The following MAP1B variants were observed in gnomAD, a reference collection of about 807,000 sequenced individuals.
The protein encoded by MAP1B is microtubule-associated protein 1B.
A neutral mutation model predicts 176.1 loss-of-function variants in MAP1B; 12 were observed. The observed-to-expected ratio is 0.07, with a 90% CI of 0.04 to 0.11. MAP1B has a LOEUF of 0.11. Ranked by LOEUF, MAP1B falls within the 10% of genes least tolerant of loss-of-function variation. MAP1B has a pLI of 1.00. For synonymous variants in MAP1B, 1,044 were observed against 1,135.0 expected, an observed-to-expected ratio of 0.92 and a Z score of 1.61; for missense variants, 2,523 against 2,990.5, an observed-to-expected ratio of 0.84 and a Z score of 3.65.
chr5:72,111,866 A>G (rs544396632), intron 1 of MAP1B, among the ~76,000 whole-genome samples: 42 of 152,182 alleles, frequency 2.8e-4, no homozygotes, highest in Non-Finnish European at 4.0e-4. Context: ...TAAATTATTT[A>G]TTATCAATGC....
In MAP1B at chr5:72,197,939, C is replaced by A. The variant is rs773550738; in HGVS notation, c.4584C>A (p.Asp1528Glu). 1 of 1,614,214 alleles carries A rather than the reference C, an allele frequency of 6.2e-7. No individual in the cohort carries two copies. Among genetic ancestry groups the A allele is most frequent in the Non-Finnish European group, 8.5e-7 (1 of 1,180,040 alleles). ...KMSISEGTVS[D>E]KSATPVDEGV... ...CCATTTCTGAAGGTACTGTCTCAGA[C>A]AAGTCAGCTACTCCTGTTGATGAGG... Residue 1528 changes from aspartate to glutamate, a missense_variant, in exon 5 of 7, where the codon GAC becomes GAA. Physicochemically the swap from Asp to Glu is conservative, Grantham distance 45 (BLOSUM62 2). Around this residue, in one of 4 missense-constraint regions of MAP1B, gnomAD observed 1,925 missense variants for 2,126.0 expected, o/e 0.91. Coordinates refer to ENST00000296755, the MANE Select transcript of MAP1B (RefSeq NM_005909.5).
intron 1 of MAP1B, among the ~76,000 whole-genome samples, chr5:72,110,313 C>T (rs1384992479): frequency 6.6e-6 from 1 of 152,130 alleles, no homozygotes; most frequent in African/African-American, 2.4e-5. Flanking sequence ...TGTATTGATC[C>T]CATTAAGAAT....
chr5:72,147,550 A>G (rs1746068752), intron 2 of MAP1B, among the ~76,000 whole-genome samples: 1 of 152,146 alleles, frequency 6.6e-6, no homozygotes, highest in Non-Finnish European at 1.5e-5. Context: ...AAGAAAGGCA[A>G]GCCCCTGGCA....
Position 72,143,378 on chromosome 5 carries a change from C to T in MAP1B, c.286+27579C>T, listed in dbSNP as rs552077300. On this transcript the variant is annotated intron_variant, in intron 2 of 6. Transcript: ENST00000296755. ...TTTAAGTACCCTCAACAGAATCCAG[C>T]CTTTTAAAAACCAATTCAAGGTCAT... Among the ~76,000 whole-genome samples the T allele has an allele frequency of 2.0e-5, 3 of 152,282 alleles. No homozygotes were observed. In the East Asian group the frequency reaches 5.8e-4, roughly 29 times the overall value.
At chr5:72,201,088 T>G (rs993615968) in intron 5 of MAP1B, among the ~76,000 whole-genome samples, 1 of 152,094 alleles carries the variant, frequency 6.6e-6, no homozygotes, top group African/African-American at 2.4e-5. Flanking sequence ...GGAAGCTAGA[T>G]GCATGGCCTC....
At chr5:72,159,849 T>G (rs1258815819) in intron 2 of MAP1B, among the ~76,000 whole-genome samples, 2 of 152,172 alleles carry the variant, frequency 1.3e-5, no homozygotes, top group Non-Finnish European at 2.9e-5. Context: ...TAGTGTGAGA[T>G]CCAGGCCTTA....
intron 2 of MAP1B, among the ~76,000 whole-genome samples, chr5:72,167,741 A>G (rs1431683786): frequency 6.6e-6 from 1 of 152,258 alleles, no homozygotes; most frequent in African/African-American, 2.4e-5. Flanking sequence ...AGTCAAAAGA[A>G]GTATTGATAA....
rs11330287 is a variant in MAP1B, at chr5:72,155,766, C to CTTTTTTT, written c.287-27965_287-27959dup. Reference sequence around the variant, plus strand: ...GTAATTGATTGATTGATTTTCTTTTCTTTTTTTTTTTTTTTTTTGAGACGG... The same window carrying CTTTTTTT: ...GTAATTGATTGATTGATTTTCTTTTCTTTTTTTTTTTTTTTTTTTTTTTTTGAGACGG... On this transcript the variant is annotated intron_variant, in intron 2 of 6. Transcript: ENST00000296755. Among the ~76,000 whole-genome samples, 276 of 126,500 alleles carry CTTTTTTT rather than the reference C, an allele frequency of 2.2e-3. 1 individual carries two copies. Among genetic ancestry groups the CTTTTTTT allele is most frequent in the East Asian group, 4.1e-3 (18 of 4,364 alleles). The allele number at this position is 126,500 out of a possible 152,430, so 83.0% of individuals were successfully genotyped here. A position where few individuals can be genotyped will look rare whatever the true frequency, so the allele number is the denominator to read the frequency against.
chr5:72,107,623 G>A lies in MAP1B; in HGVS notation c.92G>A (p.Arg31His). 4 of 1,599,912 alleles carry A rather than the reference G, an allele frequency of 2.5e-6. No individual in the cohort carries two copies. The highest frequency in any genetic ancestry group is 3.4e-6 in the Non-Finnish European group (4 of 1,179,376). ...AASTSPSLSH[R>H]FLDSKFYLLV... ...TCCACCTCGCCTAGCCTGTCGCACC[G>A]CTTCCTTGACAGCAAGTTCTACTTG... The change falls in exon 1 of 7, where the codon CGC becomes CAC. Residue 31 changes from arginine to histidine, a missense_variant. By Grantham distance (29) the Arg-to-His change is conservative. Around this residue, in one of 4 missense-constraint regions of MAP1B, gnomAD observed 307 missense variants for 438.4 expected, o/e 0.70. Transcript: ENST00000296755.
Position 72,181,482 on chromosome 5 carries a change from G to C in MAP1B, c.287-2261G>C, listed in dbSNP as rs577519022. ...GTCGCGATAAAATATAACATTTGCCGTTTTAACTATTTTTAAATGTACAAC... is the reference window on the plus strand; with the variant it reads ...GTCGCGATAAAATATAACATTTGCCCTTTTAACTATTTTTAAATGTACAAC... On this transcript the variant is annotated intron_variant, in intron 2 of 6. Coordinates refer to ENST00000296755, the MANE Select transcript of MAP1B (RefSeq NM_005909.5). 7.7e-4 allele frequency among the ~76,000 whole-genome samples: 117 copies of C among 152,170 alleles called. No homozygotes were observed. The South Asian group carries it at 0.011, about 14-fold the overall frequency.
chr5:72,194,432 C>A lies in MAP1B; in HGVS notation c.1077C>A (p.Leu359=), dbSNP rs747089454. 3.9e-5 allele frequency: 63 copies of A among 1,613,916 alleles called. No homozygotes were observed. The South Asian group carries it at 6.4e-4, about 16-fold the overall frequency. Residue 359 remains leucine, a synonymous_variant, in exon 5 of 7, where the codon CTC becomes CTA. Transcript: ENST00000296755. The surrounding 1 kb of genome is among the most constrained non-coding windows in gnomAD (Gnocchi z 7.2). ...LISPDLGVVF[L]NVPENLKNPE... ...CCCCTGACTTAGGAGTTGTATTTCT[C>A]AATGTACCTGAAAATCTCAAAAATC...
chr5:72,116,426 G>A, intron 2 of MAP1B: 1 of 418,248 alleles, frequency 2.4e-6, no homozygotes, highest in Non-Finnish European at 4.6e-6. Flanking sequence ...TTTCAGAGAT[G>A]AAAAAGAATA....
In MAP1B at chr5:72,199,271, C is replaced by T. The variant is rs1398838021; in HGVS notation, c.5916C>T (p.Tyr1972=). ...CCAGCCCCCCCGAAGTGAGTGGTTA[C>T]AGCTATGAAAAGACTGAGAGGTCTA... ...KTTSPPEVSG[Y]SYEKTERSRR... Residue 1972 remains tyrosine (Y), a synonymous_variant, in exon 5 of 7, where the codon TAC becomes TAT. Coordinates refer to ENST00000296755, the MANE Select transcript of MAP1B (RefSeq NM_005909.5). The surrounding 1 kb of genome is among the most constrained non-coding windows in gnomAD (Gnocchi z 4.2). 2 of 1,614,022 alleles carry T rather than the reference C, an allele frequency of 1.2e-6. No homozygotes were observed. Among genetic ancestry groups the T allele is most frequent in the African/African-American group, 2.7e-5 (2 of 74,912 alleles).
At chr5:72,193,347 T>C in intron 4 of MAP1B, 2 of 348,254 alleles carry the variant, frequency 5.7e-6, no homozygotes, top group South Asian at 2.3e-5. Flanking sequence ...CAGGCCTTTT[T>C]TTTTTTTTTT....
chr5:72,192,327 A>C (rs1747042128), intron 4 of MAP1B, among the ~76,000 whole-genome samples: 1 of 152,252 alleles, frequency 6.6e-6, no homozygotes, highest in South Asian at 2.1e-4. Flanking sequence ...AGATGGTATT[A>C]CCATTTGCTT....
At chr5:72,156,895 A>C (rs1033356079) in intron 2 of MAP1B, among the ~76,000 whole-genome samples, 1 of 152,166 alleles carries the variant, frequency 6.6e-6, no homozygotes, top group African/African-American at 2.4e-5. Flanking sequence ...CCCATTCCCC[A>C]CTGCCCTTTT....
intron 3 of MAP1B, among the ~76,000 whole-genome samples, chr5:72,184,282 G>C (rs978162672): frequency 6.6e-6 from 1 of 152,184 alleles, no homozygotes; most frequent in Admixed American, 6.5e-5. Flanking sequence ...GGAAAGGCAG[G>C]CTAGCATAGT....
chr5:72,108,561 G>T (rs1211234962), intron 1 of MAP1B, among the ~76,000 whole-genome samples: 1 of 152,206 alleles, frequency 6.6e-6, no homozygotes, highest in African/African-American at 2.4e-5. Context: ...GCCGAATAGC[G>T]GTACGCCGGG....
At chr5:72,128,078 A>C (rs1745660580) in intron 2 of MAP1B, among the ~76,000 whole-genome samples, 1 of 152,196 alleles carries the variant, frequency 6.6e-6, no homozygotes, top group Admixed American at 6.5e-5. Context: ...TTCAAGAGAC[A>C]TGCATTCAGG....
Sources: gnomAD v4.1 joint callset for allele counts (sites outside exome capture counted in the v4.1 genomes callset) on GRCh38, gnomAD v4.1.1 for gene constraint, gnomAD v4.1.1 regional missense constraint, Gnocchi (gnomAD v3.1) non-coding constraint, MANE v1.5 for transcripts, NCBI Gene and HGNC (gene_info 2026-07-23, HGNC 2026-07-21) for gene names.